The following NOSTRIN variants were observed in gnomAD, a reference collection of about 807,000 sequenced individuals.
NOSTRIN encodes the protein BM247 homolog.
Under a neutral mutation model 59.0 loss-of-function variants are expected in NOSTRIN, and 63 were observed. The observed-to-expected ratio is 1.07, with a 90% CI of 0.87 to 1.32. The LOEUF (loss-of-function observed/expected upper bound fraction) is 1.32. Among genes scored for constraint, NOSTRIN ranks in the 40% most tolerant of loss-of-function variants. NOSTRIN has a pLI of 0.00. For synonymous variants in NOSTRIN, 200 were observed against 165.4 expected, an observed-to-expected ratio of 1.21 and a Z score of -1.61; for missense variants, 512 against 473.1, an observed-to-expected ratio of 1.08 and a Z score of -0.76.
In NOSTRIN at chr2:168,808,611, A is replaced by C. The variant is rs514629; in HGVS notation, c.28-2956A>C. Among the ~76,000 whole-genome samples the C allele has an allele frequency of 2.0e-5, 3 of 152,120 alleles. No homozygotes were observed. In the South Asian group the frequency reaches 6.2e-4, roughly 32 times the overall value. On this transcript the variant is annotated intron_variant, in intron 1 of 15. Transcript: ENST00000317647. ...TCAATAAGACAATACATAAAAATCC[A>C]TAGCTTAATACTGTGAGATATTTCT...
chr2:168,824,900 CAT>C (rs1489162420), intron 3 of NOSTRIN, among the ~76,000 whole-genome samples, 183 bp downstream of exon 3: 1 of 151,982 alleles, frequency 6.6e-6, no homozygotes, highest in Non-Finnish European at 1.5e-5. Flanking sequence ...CCCAGCCTCC[CAT>C]ATAGAGTAGC....
In NOSTRIN at chr2:168,860,795, G is replaced by A. The variant is rs1689395713; in HGVS notation, c.1180G>A (p.Glu394Lys). ...SNSIFRWREK[E>K]HTHSYVKISR... ...ATGACTTTTTATGTCATTTGAACAG[G>A]AGCATACTCATAGCTATGTGAAAAT... The change falls in exon 14 of 16, where the codon GAG becomes AAG. Residue 394 changes from glutamate to lysine, a missense_variant and splice_region_variant. Physicochemically the swap from Glu to Lys is moderately conservative, Grantham distance 56 (BLOSUM62 1). Coordinates refer to ENST00000317647, the MANE Select transcript of NOSTRIN (RefSeq NM_001039724.4). 2.5e-6 allele frequency: 4 copies of A among 1,572,536 alleles called. No individual in the cohort carries two copies. The highest frequency in any genetic ancestry group is 1.7e-4 in the Middle Eastern group (1 of 5,986).
chr2:168,848,172 T>C (rs560872304), intron 8 of NOSTRIN, among the ~76,000 whole-genome samples: 16 of 152,258 alleles, frequency 1.1e-4, no homozygotes, highest in Non-Finnish European at 2.2e-4. Context: ...GAGCAGAATT[T>C]GTTTTACGTA....
Position 168,831,525 on chromosome 2 carries a change from G to A in NOSTRIN, c.396G>A (p.Gln132=). The A allele has an allele frequency of 1.2e-6, 1 of 862,968 alleles. No individual in the cohort carries two copies. The highest frequency in any genetic ancestry group is 2.0e-6 in the Non-Finnish European group (1 of 493,624). 53.5% of individuals were successfully genotyped at this position (862,968 alleles called of 1,614,324 possible). Residue 132 remains glutamine, a synonymous_variant, in exon 6 of 16, where the codon CAG becomes CAA. Coordinates refer to ENST00000317647, the MANE Select transcript of NOSTRIN (RefSeq NM_001039724.4). ...ATCTTGTCATTAGCAACTGGAATCA[G>A]CAAATTAAGGCAAGTATCCACAAAT... The part of the protein sequence containing the change: ...TANLVISNWN[Q]QIKAKKKLMV...
chr2:168,789,242 G>A (rs1358101405), intron 2 of NOSTRIN, among the ~76,000 whole-genome samples: 111 of 152,182 alleles, frequency 7.3e-4, no homozygotes, highest in Non-Finnish European at 7.3e-5. Context: ...AAATTAATAA[G>A]CTGGTGTATT....
intron 3 of NOSTRIN, among the ~76,000 whole-genome samples, chr2:168,827,674 C>T (rs1687128254): frequency 6.6e-6 from 1 of 151,966 alleles, no homozygotes; most frequent in Non-Finnish European, 1.5e-5. Context: ...CTCAAGCAAT[C>T]CTCCTACCTT....
intron 10 of NOSTRIN, among the ~76,000 whole-genome samples, chr2:168,853,550 T>A (rs1688895869): frequency 1.3e-5 from 2 of 152,190 alleles, no homozygotes. Flanking sequence ...GAGCAATCTA[T>A]CCCTGGAAAT....
chr2:168,788,485 G>A (rs936191250), intron 2 of NOSTRIN, among the ~76,000 whole-genome samples: 4 of 152,064 alleles, frequency 2.6e-5, no homozygotes, highest in African/African-American at 4.8e-5. Flanking sequence ...GCCCAAGGTG[G>A]GGGTGAAGAG....
At chr2:168,832,052 T>A (rs1395786348) in intron 6 of NOSTRIN, among the ~76,000 whole-genome samples, 1 of 152,180 alleles carries the variant, frequency 6.6e-6, no homozygotes, top group African/African-American at 2.4e-5. Context: ...GATCTCTACA[T>A]CATTAGTGAG....
Position 168,843,135 on chromosome 2 carries a change from A to AT in NOSTRIN, c.630+25dup, listed in dbSNP as rs1210847679. On this transcript the variant is annotated intron_variant, in intron 8 of 15. Coordinates refer to ENST00000317647, the MANE Select transcript of NOSTRIN (RefSeq NM_001039724.4). Reference sequence around the variant, plus strand: ...GCTACCAGGTAAGTTATATATTCACATTTTTTTCTTCTTCTGTGGAGCTTT... The same window carrying AT: ...GCTACCAGGTAAGTTATATATTCACATTTTTTTTCTTCTTCTGTGGAGCTTT... 4 of 858,212 alleles carry AT rather than the reference A, an allele frequency of 4.7e-6. No individual in the cohort carries two copies. The highest frequency in any genetic ancestry group is 2.4e-5 in the East Asian group (1 of 41,486). The allele number at this position is 858,212 out of a possible 1,614,324, so 53.2% of individuals were successfully genotyped here.
intron 14 of NOSTRIN, among the ~76,000 whole-genome samples, chr2:168,861,672 C>T (rs1043769455): frequency 6.6e-5 from 10 of 152,090 alleles, no homozygotes; most frequent in African/African-American, 2.2e-4. Context: ...CCAAAACATG[C>T]ATGCAATTAC....
intron 7 of NOSTRIN, among the ~76,000 whole-genome samples, chr2:168,835,009 A>G (rs998756967): frequency 3.3e-5 from 5 of 152,218 alleles, no homozygotes; most frequent in African/African-American, 1.2e-4. Flanking sequence ...GGAAAAATGT[A>G]TACTTGGAGC....
At chr2:168,853,561 A>C (rs915669470) in intron 10 of NOSTRIN, among the ~76,000 whole-genome samples, 2 of 152,264 alleles carry the variant, frequency 1.3e-5, no homozygotes. Context: ...CCCTGGAAAT[A>C]CATGTTTAAA....
At chr2:168,864,513 C>T (rs1689729265) in intron 15 of NOSTRIN, among the ~76,000 whole-genome samples, 1 of 151,886 alleles carries the variant, frequency 6.6e-6, no homozygotes, top group African/African-American at 2.4e-5. Context: ...CTCGAAACTC[C>T]TGACCTTGTG....
At chr2:168,861,163 A>C (rs1322049949) in intron 14 of NOSTRIN, among the ~76,000 whole-genome samples, 3 of 152,204 alleles carry the variant, frequency 2.0e-5, no homozygotes, top group Non-Finnish European at 2.9e-5. Context: ...ACCTTATTCA[A>C]ATGGCCTGTT....
chr2:168,800,464 A>G (rs114928708), upstream of NOSTRIN, among the ~76,000 whole-genome samples: 953 of 152,206 alleles, frequency 6.3e-3, 10 homozygotes, highest in African/African-American at 0.021. Flanking sequence ...TTCAGCTGGG[A>G]TGCCCTGCTG....
chr2:168,837,944 T>G (rs1189228901), intron 7 of NOSTRIN, among the ~76,000 whole-genome samples: 1 of 152,196 alleles, frequency 6.6e-6, no homozygotes, highest in Non-Finnish European at 1.5e-5. Flanking sequence ...GGCCTGATCT[T>G]TATATATTGC....
chr2:168,821,299 G>A (rs914678716), intron 2 of NOSTRIN, among the ~76,000 whole-genome samples: 1 of 152,208 alleles, frequency 6.6e-6, no homozygotes, highest in African/African-American at 2.4e-5. Context: ...CATCGGGGCT[G>A]AGCACCCAAA....
chr2:168,805,682 A>G (rs1685813943), intron 1 of NOSTRIN, among the ~76,000 whole-genome samples: 2 of 152,080 alleles, frequency 1.3e-5, no homozygotes, highest in African/African-American at 2.4e-5. Flanking sequence ...CCCTCCCCGC[A>G]TGTCATCGGC....
Sources: allele counts gnomAD v4.1 joint callset (sites outside exome capture counted in the v4.1 genomes callset), GRCh38; gene constraint gnomAD v4.1.1; transcripts MANE v1.5; gene names NCBI Gene and HGNC (gene_info 2026-07-23, HGNC 2026-07-21).